PRIM2: variants seen among roughly 807,000 people sequenced by gnomAD.
PRIM2 encodes the protein DNA primase large subunit.
Under a neutral mutation model 67.3 loss-of-function variants are expected in PRIM2, and 39 were observed. The observed-to-expected ratio is 0.58, with a 90% CI of 0.45 to 0.76. PRIM2 has a LOEUF of 0.76. Among genes scored for constraint, PRIM2 ranks in the 30% least tolerant of loss-of-function variants. PRIM2 has a pLI of 0.00. For synonymous variants in PRIM2, 143 were observed against 198.7 expected (o/e 0.72, Z 2.36); for missense variants, 398 against 598.7 (o/e 0.66, Z 3.50).
chr6:57,406,796 T>G (rs1481548445), intron 7 of PRIM2, among the ~76,000 whole-genome samples: 2 of 152,182 alleles, frequency 1.3e-5, no homozygotes. Context: ...GCCTACATTT[T>G]AAAAGAGAGA....
intron 10 of PRIM2, among the ~76,000 whole-genome samples, chr6:57,548,777 A>T (rs1178312893): frequency 1.3e-5 from 2 of 152,190 alleles, no homozygotes; most frequent in Non-Finnish European, 2.9e-5. Context: ...TAGAAAGAAG[A>T]GCTGTGGGAG....
At chr6:57,474,409 C>T (rs1326422771) in intron 7 of PRIM2, among the ~76,000 whole-genome samples, 6 of 151,998 alleles carry the variant, frequency 3.9e-5, no homozygotes, top group African/African-American at 1.2e-4. Context: ...CTCCTGACCT[C>T]GTGATCTGCC....
intron 7 of PRIM2, among the ~76,000 whole-genome samples, chr6:57,457,349 C>T (rs1772829244): frequency 6.6e-6 from 1 of 152,240 alleles, no homozygotes; most frequent in Non-Finnish European, 1.5e-5. Context: ...GCAGAGGATT[C>T]TGCTGCCTTT....
At chr6:57,442,317 T>A (rs1772226536) in intron 7 of PRIM2, among the ~76,000 whole-genome samples, 1 of 152,108 alleles carries the variant, frequency 6.6e-6, no homozygotes, top group East Asian at 1.9e-4. Context: ...GATGACTTAC[T>A]GAGTCATTTT....
chr6:57,312,804 T>G (rs1174069212), upstream of PRIM2, among the ~76,000 whole-genome samples: 2 of 152,216 alleles, frequency 1.3e-5, no homozygotes, highest in Non-Finnish European at 2.9e-5. Context: ...TATATATTTG[T>G]TTTAAATTCT....
At chr6:57,602,130 G>T (rs1776481609) in intron 11 of PRIM2, among the ~76,000 whole-genome samples, 1 of 151,492 alleles carries the variant, frequency 6.6e-6, no homozygotes, top group African/African-American at 2.4e-5. Context: ...CGCGATCTCG[G>T]CTCACTGCAG....
intron 7 of PRIM2, among the ~76,000 whole-genome samples, chr6:57,492,125 T>G (rs1384602892): frequency 2.0e-5 from 3 of 152,178 alleles, no homozygotes. Context: ...CCTTACTGTC[T>G]GCCTAAAGCA....
chr6:57,459,017 T>C (rs1232862075), intron 7 of PRIM2, among the ~76,000 whole-genome samples: 1 of 152,226 alleles, frequency 6.6e-6, no homozygotes. Context: ...GTGTGGTAAG[T>C]CACTGAGATT....
At chr6:57,250,999 C>T in the PRIM2 span, among the ~76,000 whole-genome samples, 3 of 152,164 alleles carry the variant, frequency 2.0e-5, no homozygotes, top group Non-Finnish European at 2.9e-5. Context: ...ATCTGAAACA[C>T]TTCTTGTCCC....
intron 5 of PRIM2, among the ~76,000 whole-genome samples, chr6:57,347,385 T>C (rs529506649): frequency 6.6e-6 from 1 of 152,340 alleles, no homozygotes; most frequent in Non-Finnish European, 1.5e-5. Context: ...ATAGCTAACA[T>C]TTGTAATGTG....
At chr6:57,526,020 T>G (rs1331244408) in intron 8 of PRIM2, among the ~76,000 whole-genome samples, 5 of 152,220 alleles carry the variant, frequency 3.3e-5, no homozygotes, top group Non-Finnish European at 7.4e-5. Flanking sequence ...GGAAAAAAAG[T>G]GTCTTATAGA....
the PRIM2 span, among the ~76,000 whole-genome samples, chr6:57,241,340 T>A: frequency 6.6e-6 from 1 of 152,066 alleles, no homozygotes; most frequent in Admixed American, 6.5e-5. Flanking sequence ...GCCTAGGAGT[T>A]TGAGATTACA....
At chr6:57,283,030 T>A in the PRIM2 span, among the ~76,000 whole-genome samples, 8,725 of 152,078 alleles carry the variant, frequency 0.057, 254 homozygotes, top group Non-Finnish European at 0.072. Flanking sequence ...TTGCTTTTTT[T>A]AAAAAAATTA....
intron 7 of PRIM2, among the ~76,000 whole-genome samples, chr6:57,455,064 A>C (rs1043594800): frequency 6.6e-6 from 1 of 152,244 alleles, no homozygotes; most frequent in African/African-American, 2.4e-5. Flanking sequence ...ATTCAGGAGC[A>C]GGTTGTTCAG....
intron 5 of PRIM2, among the ~76,000 whole-genome samples, chr6:57,336,476 T>A (rs1384748747): frequency 6.6e-6 from 1 of 152,138 alleles, no homozygotes; most frequent in Non-Finnish European, 1.5e-5. Context: ...TGGGTTACCC[T>A]CAAAGGGAAG....
intron 7 of PRIM2, among the ~76,000 whole-genome samples, chr6:57,484,781 CCTT>C (rs1481008368): frequency 6.6e-6 from 1 of 152,188 alleles, no homozygotes; most frequent in African/African-American, 2.4e-5. Context: ...TCAAGTGTCT[CCTT>C]CTCAGATAAA....
intron 7 of PRIM2, among the ~76,000 whole-genome samples, chr6:57,427,464 A>G (rs76730888): frequency 1.3e-5 from 2 of 152,128 alleles, no homozygotes; most frequent in Non-Finnish European, 2.9e-5. Flanking sequence ...GATTCCAGGC[A>G]TGCGCCACCA....
chr6:57,383,770 A>G (rs917911754), intron 7 of PRIM2, among the ~76,000 whole-genome samples: 1 of 152,156 alleles, frequency 6.6e-6, no homozygotes, highest in African/African-American at 2.4e-5. Context: ...GCTGTCGTTG[A>G]GTTGCTGAAT....
rs1382819248 is a variant in PRIM2 at position 57,601,251 on chromosome 6, T to C, written c.1147+32T>C. On this transcript the variant is annotated intron_variant, in intron 11 of 13. Transcript: ENST00000615550. The stretch of plus-strand genomic sequence containing the variant: ...GCCTCCACTGGATATGTTGGCCAAG[T>C]ACAGAAATCCAAGAGCTCTGTTGGA... 3 of 1,555,142 alleles carry C rather than the reference T, an allele frequency of 1.9e-6. No individual in the cohort carries two copies. In the East Asian group the frequency reaches 6.9e-5, roughly 36 times the overall value.
Sources: gnomAD v4.1 joint callset for allele counts (sites outside exome capture counted in the v4.1 genomes callset) on GRCh38, gnomAD v4.1.1 for gene constraint, MANE v1.5 for transcripts, NCBI Gene and HGNC (gene_info 2026-07-23, HGNC 2026-07-21) for gene names.